The following DNAH10 variants were observed in gnomAD, a reference collection of about 807,000 sequenced individuals.
DNAH10 encodes the protein axonemal beta dynein heavy chain 10.
In DNAH10, 348 loss-of-function variants were observed where a neutral mutation model predicts 506.6. That is an observed-to-expected ratio of 0.69 (90% confidence interval 0.63 to 0.75). The LOEUF (loss-of-function observed/expected upper bound fraction) is 0.75. DNAH10 is among the 30% of genes least tolerant of loss of function. The pLI is 0.00. For synonymous variants in DNAH10, 2,059 were observed against 2,198.6 expected, an observed-to-expected ratio of 0.94 and a Z score of 1.78; for missense variants, 5,179 against 5,787.1, an observed-to-expected ratio of 0.89 and a Z score of 3.41.
At chr12:123,837,125 A>G in intron 28 of DNAH10, among the ~76,000 whole-genome samples, 1 of 149,216 alleles carries the variant, frequency 6.7e-6, no homozygotes. Context: ...TGCTGGGATT[A>G]CAGATGTGAG....
At chr12:123,858,780 A>G (rs373516651) in intron 37 of DNAH10, among the ~76,000 whole-genome samples, 26 of 152,322 alleles carry the variant, frequency 1.7e-4, no homozygotes, top group Admixed American at 1.3e-4. Flanking sequence ...CGCGTGCTAC[A>G]ACATGGATGA....
At chr12:123,905,224 G>A (rs563304734) in intron 57 of DNAH10, among the ~76,000 whole-genome samples, 1 of 152,176 alleles carries the variant, frequency 6.6e-6, no homozygotes, top group Non-Finnish European at 1.5e-5. Flanking sequence ...ACATTCCATT[G>A]TGTGGCTGTG....
intron 11 of DNAH10, among the ~76,000 whole-genome samples, chr12:123,792,434 CT>C (rs1435018381): frequency 4.7e-5 from 7 of 148,870 alleles, no homozygotes; most frequent in East Asian, 2.0e-4. Context: ...GCTTGTTTAC[CT>C]TTTTTTTCCT....
chr12:123,916,536 A>C lies in DNAH10; in HGVS notation c.10802A>C (p.Asp3601Ala), dbSNP rs200583310. ...IKYGTPFLFR[D>A]VDEYIDPVID... ...TACGGGACCCCTTTCCTGTTCCGCG[A>C]TGTTGATGAATACATCGATCCTGTG... The change falls in exon 63 of 79, where the codon GAT becomes GCT. Residue 3601 changes from aspartate (D) to alanine (A), a missense_variant. Asp to Ala is a moderately radical substitution (Grantham distance 126, BLOSUM62 -2). This residue lies in a region of DNAH10 where 4,844 missense variants were observed against 5,430.5 expected (regional missense o/e 0.89). Coordinates refer to ENST00000673944, the MANE Select transcript of DNAH10 (RefSeq NM_001372106.1). The surrounding 1 kb of genome is among the most constrained non-coding windows in gnomAD (Gnocchi z 4.6). The C allele has an allele frequency of 5.3e-5, 86 of 1,613,740 alleles. No homozygotes were observed. In the African/African-American group the frequency reaches 1.1e-3, roughly 21 times the overall value.
chr12:123,815,938 CA>C (rs1959129650), intron 21 of DNAH10, among the ~76,000 whole-genome samples: 1 of 152,144 alleles, frequency 6.6e-6, no homozygotes. Context: ...AGTAAAAATA[CA>C]GTATTGTAAT....
Position 123,850,802 on chromosome 12 carries a change from C to T in DNAH10, c.6103-86C>T, listed in dbSNP as rs935614844. 29 of 1,367,386 alleles carry T rather than the reference C, an allele frequency of 2.1e-5. No individual in the cohort carries two copies. Among genetic ancestry groups the T allele is most frequent in the African/African-American group, 8.8e-5 (6 of 68,570 alleles). 84.7% of individuals were successfully genotyped at this position (1,367,386 alleles called of 1,614,324 possible). Reference sequence around the variant, plus strand: ...CTCATACCATGAAAATGAATCGCCACGCAGCTCGCCGCAGGCCCCCTTTCC... The same window carrying T: ...CTCATACCATGAAAATGAATCGCCATGCAGCTCGCCGCAGGCCCCCTTTCC... On this transcript the variant is annotated intron_variant, in intron 34 of 78. Coordinates refer to ENST00000673944, the MANE Select transcript of DNAH10 (RefSeq NM_001372106.1). The surrounding 1 kb of genome is among the most constrained non-coding windows in gnomAD (Gnocchi z 5.5).
chr12:123,915,507 C>A (rs538173454), intron 62 of DNAH10, among the ~76,000 whole-genome samples: 9 of 148,090 alleles, frequency 6.1e-5, no homozygotes, highest in Admixed American at 2.6e-4. Flanking sequence ...CATCCTTTAG[C>A]CATCACCCCT....
rs777448802 is a variant in DNAH10 at position 123,928,523 on chromosome 12, G to A, written c.12242G>A (p.Arg4081His). ...ERITKPHPDF[R>H]LWLTTDPTKG... ...ATCACCAAGCCCCACCCAGACTTCC[G>A]CCTGTGGCTCACCACGGACCCCACC... Residue 4081 changes from arginine to histidine, a missense_variant, in exon 70 of 79, where the codon CGC (arginine) becomes CAC (histidine). By Grantham distance (29) the Arg-to-His change is conservative (BLOSUM62 0). Coordinates refer to ENST00000673944, the MANE Select transcript of DNAH10 (RefSeq NM_001372106.1). This position sits in a 1 kb window ranked among gnomAD's most constrained non-coding sequence, Gnocchi z 4.9. 11 of 1,611,254 alleles carry A rather than the reference G, an allele frequency of 6.8e-6. No homozygotes were observed. Among genetic ancestry groups the A allele is most frequent in the Admixed American group, 1.7e-5 (1 of 59,676 alleles).
intron 18 of DNAH10, among the ~76,000 whole-genome samples, chr12:123,807,913 G>GGAAC: frequency 3.8e-4 from 3 of 7,904 alleles, no homozygotes; most frequent in African/African-American, 4.5e-4. Flanking sequence ...AGGGGAGAGA[G>GGAAC]AGGAGAGAGA....
intron 60 of DNAH10, 67 bp from the exon 61 acceptor site, chr12:123,914,262 T>C: frequency 6.9e-7 from 1 of 1,459,130 alleles, no homozygotes; most frequent in Admixed American, 1.9e-5. Context: ...CTGGTTCTTC[T>C]GGAATGTTCC....
intron 2 of DNAH10, among the ~76,000 whole-genome samples, chr12:123,770,120 T>C (rs1441764119): frequency 6.6e-6 from 1 of 151,640 alleles, no homozygotes; most frequent in Non-Finnish European, 1.5e-5. Flanking sequence ...TGGTGGCATG[T>C]ACCTGTAATC....
Position 123,928,295 on chromosome 12 carries a change from T to A in DNAH10, c.12106-92T>A. On this transcript the variant is annotated intron_variant, in intron 69 of 78. Transcript: ENST00000673944. The surrounding 1 kb of genome is among the most constrained non-coding windows in gnomAD (Gnocchi z 4.9). Reference sequence around the variant, plus strand: ...CTTTTGGCTTCTGCTGGAGCTGCCATCGCCCTTCTGTGGGTGTGGAGTGGG... The same window carrying A: ...CTTTTGGCTTCTGCTGGAGCTGCCAACGCCCTTCTGTGGGTGTGGAGTGGG... 1 of 1,390,766 alleles carries A rather than the reference T, an allele frequency of 7.2e-7. No homozygotes were observed. Among genetic ancestry groups the A allele is most frequent in the Non-Finnish European group, 9.7e-7 (1 of 1,029,786 alleles). 86.2% of individuals were successfully genotyped at this position (1,390,766 alleles called of 1,614,324 possible).
Position 123,897,789 on chromosome 12 carries a change from G to A in DNAH10, c.9300G>A (p.Pro3100=), listed in dbSNP as rs767718209. ...CTTCAGGGTATAATCCAATGATCCC[G>A]GCAGAAAATATAGAAAATGTGGTGA... ...KSFLGYNPMI[P]AENIENVVKH... is the part of the protein sequence containing the mutation. Residue 3100 remains proline, a synonymous_variant, in exon 55 of 79, where the codon CCG becomes CCA. Transcript: ENST00000673944. 9.6e-5 allele frequency: 154 copies of A among 1,607,522 alleles called. No individual in the cohort carries two copies. Among genetic ancestry groups the A allele is most frequent in the Non-Finnish European group, 1.2e-4 (141 of 1,178,456 alleles).
chr12:123,763,211 C>T (rs1956893988), intron 1 of DNAH10, among the ~76,000 whole-genome samples: 1 of 152,238 alleles, frequency 6.6e-6, no homozygotes, highest in Non-Finnish European at 1.5e-5. Flanking sequence ...TCCCAGAACC[C>T]TCTGTGGAGG....
At chr12:123,888,681 A>C (rs1340368739) in intron 52 of DNAH10, among the ~76,000 whole-genome samples, 1 of 151,988 alleles carries the variant, frequency 6.6e-6, no homozygotes, top group Non-Finnish European at 1.5e-5. Context: ...GTCTGAAGCC[A>C]CTCGCTTTGG....
chr12:123,857,205 G>A lies in DNAH10; in HGVS notation c.6588G>A (p.Glu2196=). Residue 2196 remains glutamate (E), a synonymous_variant, in exon 37 of 79, where the codon GAG becomes GAA. Coordinates refer to ENST00000673944, the MANE Select transcript of DNAH10 (RefSeq NM_001372106.1). ...ACCCTGACTTCAACGATGCGGTAGA[G>A]CAGGTCCTGGAGGAGAACGGCTACG... is the stretch of plus-strand genomic sequence containing the variant. ...VRYPDFNDAV[E]QVLEENGYAV... is the part of the protein sequence containing the mutation. The A allele has an allele frequency of 6.2e-7, 1 of 1,606,332 alleles. No individual in the cohort carries two copies.
intron 5 of DNAH10, among the ~76,000 whole-genome samples, chr12:123,777,478 G>C (rs1957483413): frequency 6.6e-6 from 1 of 152,182 alleles, no homozygotes; most frequent in African/African-American, 2.4e-5. Context: ...AGGTCTCACG[G>C]AGTACAAGTC....
At chr12:123,915,265 G>A (rs1371384659) in intron 62 of DNAH10, among the ~76,000 whole-genome samples, 3 of 152,188 alleles carry the variant, frequency 2.0e-5, no homozygotes, top group East Asian at 1.9e-4. Context: ...TGTCCAGTAC[G>A]GGGTTCGTGG....
In DNAH10 at chr12:123,931,731, G is replaced by C. The variant is rs771316732; in HGVS notation, c.13012G>C (p.Val4338Leu). Residue 4338 changes from valine (V) to leucine (L), a missense_variant, in exon 75 of 79, where the codon GTG (valine) becomes CTG (leucine). This residue lies in a region of DNAH10 where 4,844 missense variants were observed against 5,430.5 expected (regional missense o/e 0.89). Transcript: ENST00000673944. Reference protein sequence around the residue: ...KMPKVFDLDQVRKRLGTGLSP... With the variant: ...KMPKVFDLDQLRKRLGTGLSP... ...GCCCAAAGTCTTTGACTTGGACCAG[G>C]TGAGGAAGCGCCTCGGAACAGGACT... 4.1e-5 allele frequency: 66 copies of C among 1,613,944 alleles called. No individual in the cohort carries two copies. The highest frequency in any genetic ancestry group is 5.5e-5 in the Non-Finnish European group (65 of 1,179,916).
Sources: gnomAD v4.1 joint callset for allele counts (sites outside exome capture counted in the v4.1 genomes callset) on GRCh38, gnomAD v4.1.1 for gene constraint, gnomAD v4.1.1 regional missense constraint, Gnocchi (gnomAD v3.1) non-coding constraint, MANE v1.5 for transcripts, NCBI Gene and HGNC (gene_info 2026-07-23, HGNC 2026-07-21) for gene names.